Variants in CSPP1 observed in about 807,000 individuals in gnomAD.
CSPP1 encodes centrosome and spindle pole-associated protein 1.
Under a neutral mutation model 164.4 loss-of-function variants are expected in CSPP1, and 126 were observed. The ratio of observed to expected loss-of-function variants is 0.77; its 90% confidence interval spans 0.66 to 0.89. CSPP1 has a LOEUF of 0.89. Among genes scored for constraint, CSPP1 ranks in the 40% least tolerant of loss-of-function variants. The pLI is 0.00. For synonymous variants in CSPP1, 472 were observed against 476.7 expected (o/e 0.99, Z 0.13); for missense variants, 1,395 against 1,449.8 (o/e 0.96, Z 0.61).
In CSPP1 at chr8:67,113,842, G is replaced by A. The variant is rs1273027615; in HGVS notation, c.1225G>A (p.Ala409Thr). 6.3e-7 allele frequency: 1 copy of A among 1,592,016 alleles called. No homozygotes were observed. Among genetic ancestry groups the A allele is most frequent in the South Asian group, 1.1e-5 (1 of 88,912 alleles). ...DLELRVAASG[A>T]QDPEKSWNEL... Reference sequence around the variant, plus strand: ...AGAACTCAGGGTTGCAGCGTCTGGAGCACAAGACCCTGAGAAATCGGTAAG... The same window carrying A: ...AGAACTCAGGGTTGCAGCGTCTGGAACACAAGACCCTGAGAAATCGGTAAG... The change falls in exon 11 of 31, where the codon GCA (alanine) becomes ACA (threonine). Residue 409 changes from alanine to threonine, a missense_variant. Physicochemically the swap from Ala to Thr is moderately conservative, Grantham distance 58. Transcript: ENST00000678616.
intron 28 of CSPP1, among the ~76,000 whole-genome samples, chr8:67,180,424 G>A (rs1389172712): frequency 2.6e-5 from 4 of 152,230 alleles, no homozygotes; most frequent in Non-Finnish European, 5.9e-5. Flanking sequence ...GTGGTTGCCA[G>A]GGGTTGAGGG....
chr8:67,102,928 A>G (rs1431687213), intron 7 of CSPP1, 109 bp from the exon 8 acceptor site: 8 of 553,984 alleles, frequency 1.4e-5, no homozygotes, highest in Non-Finnish European at 2.2e-5. Flanking sequence ...ACTTCATTAT[A>G]ACACTTTGTT....
At chr8:67,139,673 C>A (rs1388958653) in intron 17 of CSPP1, among the ~76,000 whole-genome samples, 3 of 152,080 alleles carry the variant, frequency 2.0e-5, no homozygotes, top group African/African-American at 7.2e-5. Flanking sequence ...ATAAAAAAGG[C>A]TGAGTTCATG....
intron 7 of CSPP1, among the ~76,000 whole-genome samples, chr8:67,096,287 C>T (rs978221032): frequency 2.0e-5 from 3 of 152,142 alleles, no homozygotes; most frequent in Non-Finnish European, 2.9e-5. Flanking sequence ...TAAAATGTGG[C>T]CAGGCATGGT....
At chr8:67,085,603 C>T in intron 3 of CSPP1, among the ~76,000 whole-genome samples, 1 of 151,876 alleles carries the variant, frequency 6.6e-6, no homozygotes, top group Non-Finnish European at 1.5e-5. Flanking sequence ...TTTTGCTGTT[C>T]TTGAGAAAGC....
intron 27 of CSPP1, among the ~76,000 whole-genome samples, chr8:67,179,247 A>AT (rs1188903674): frequency 1.3e-5 from 2 of 151,474 alleles, no homozygotes; most frequent in Non-Finnish European, 2.9e-5. Flanking sequence ...CAATCTTAGC[A>AT]TTTTTTTTCG....
intron 3 of CSPP1, among the ~76,000 whole-genome samples, chr8:67,083,369 T>TA (rs1371083116): frequency 3.3e-5 from 5 of 150,944 alleles, no homozygotes; most frequent in Admixed American, 3.3e-4. Context: ...CCGCCTCCAC[T>TA]AAAAATACAA....
intron 24 of CSPP1, among the ~76,000 whole-genome samples, chr8:67,166,611 G>A (rs1829351096): frequency 6.6e-6 from 1 of 152,034 alleles, no homozygotes. Flanking sequence ...AGGTCAATAC[G>A]TTCCAAGCAA....
Position 67,190,763 on chromosome 8 carries a change from T to C in CSPP1, c.3330+4T>C, listed in dbSNP as rs926960566. 3.8e-5 allele frequency: 61 copies of C among 1,588,750 alleles called. No homozygotes were observed. Among genetic ancestry groups the C allele is most frequent in the Non-Finnish European group, 5.2e-5 (60 of 1,156,934 alleles). On this transcript the variant is annotated splice_donor_region_variant and intron_variant, in intron 29 of 30. Transcript: ENST00000678616. ...CAAATGGAAAGGACTAGACATTGTA[T>C]GTATGAGACTTTTCTCCCCCTTTTC...
rs143354406 is a variant in CSPP1 at position 67,068,182 on chromosome 8, T to G, written c.-11+3644T>G. On this transcript the variant is annotated intron_variant, in intron 1 of 30. Coordinates refer to ENST00000678616, the MANE Select transcript of CSPP1 (RefSeq NM_001382391.1). ...TGATTTCTAAGTGTTAGGTTCTCTG[T>G]CATAATTTTTATATGCATTATTTTC... 9.2e-5 allele frequency among the ~76,000 whole-genome samples: 14 copies of G among 152,318 alleles called. No homozygotes were observed. In the East Asian group the frequency reaches 2.1e-3, roughly 23 times the overall value.
At chr8:67,110,482 T>C (rs753518563) in intron 9 of CSPP1, among the ~76,000 whole-genome samples, 6 of 152,090 alleles carry the variant, frequency 3.9e-5, no homozygotes, top group Non-Finnish European at 8.8e-5. Context: ...TCAGTTTATA[T>C]CCTTCTTAGT....
chr8:67,122,109 A>G (rs1819087327), intron 15 of CSPP1, among the ~76,000 whole-genome samples: 1 of 151,678 alleles, frequency 6.6e-6, no homozygotes, highest in Non-Finnish European at 1.5e-5. Flanking sequence ...TAGAAGATTC[A>G]GAGCCTTCTT....
intron 1 of CSPP1, among the ~76,000 whole-genome samples, chr8:67,068,549 C>T (rs1315956859): frequency 6.6e-6 from 1 of 152,192 alleles, no homozygotes; most frequent in Non-Finnish European, 1.5e-5. Flanking sequence ...CTTTCTTACT[C>T]TATATTGTAC....
rs898114009 is a variant in CSPP1 at position 67,160,820 on chromosome 8, T to TTTTA, written c.2539-970_2539-967dup. 1.3e-3 allele frequency among the ~76,000 whole-genome samples: 200 copies of TTTTA among 151,964 alleles called. No individual in the cohort carries two copies. The East Asian group carries it at 0.025, about 19-fold the overall frequency. ...CTAATCTGAGTTATAATCTTTTTAT[T>TTTTA]TTTATTTATTTATTTATTTATTTAG... On this transcript the variant is annotated intron_variant, in intron 21 of 30. Transcript: ENST00000678616.
rs151049141 is a variant in CSPP1 at position 67,186,948 on chromosome 8, A to T, written c.3221-3702A>T. Among the ~76,000 whole-genome samples the T allele has an allele frequency of 1.1e-3, 174 of 151,810 alleles. 2 individuals carry two copies. Among genetic ancestry groups the T allele is most frequent in the Non-Finnish European group, 2.0e-3 (135 of 67,954 alleles). On this transcript the variant is annotated intron_variant, in intron 28 of 30. Coordinates refer to ENST00000678616, the MANE Select transcript of CSPP1 (RefSeq NM_001382391.1). ...TTACATTAGCATTCCCCCAAGGAAT[A>T]CTGAGGTATAAATCTATCTATCATC...
chr8:67,170,302 A>T (rs1830225700), intron 24 of CSPP1, among the ~76,000 whole-genome samples: 2 of 151,752 alleles, frequency 1.3e-5, no homozygotes, highest in African/African-American at 4.8e-5. Flanking sequence ...AAAAAAAAAA[A>T]AAAAATTAGC....
intron 1 of CSPP1, among the ~76,000 whole-genome samples, chr8:67,069,463 T>G (rs753906633): frequency 8.5e-5 from 13 of 152,112 alleles, no homozygotes; most frequent in Non-Finnish European, 1.8e-4. Context: ...GTTAAATAAT[T>G]ACAGTAAAGA....
chr8:67,181,933 T>G (rs1290962135), intron 28 of CSPP1, among the ~76,000 whole-genome samples: 1 of 152,222 alleles, frequency 6.6e-6, no homozygotes, highest in African/African-American at 2.4e-5. Context: ...TATCTATCCT[T>G]TGATGACTGG....
At chr8:67,126,056 T>G (rs972210307) in intron 15 of CSPP1, among the ~76,000 whole-genome samples, 2 of 152,214 alleles carry the variant, frequency 1.3e-5, no homozygotes, top group African/African-American at 4.8e-5. Context: ...GGTCTCCAAC[T>G]CCTGACCTCA....
Sources: allele counts gnomAD v4.1 joint callset (sites outside exome capture counted in the v4.1 genomes callset), GRCh38; gene constraint gnomAD v4.1.1; transcripts MANE v1.5; gene names NCBI Gene and HGNC (gene_info 2026-07-23, HGNC 2026-07-21).